Variants in CNGA1 observed in about 807,000 individuals in gnomAD.
The protein encoded by CNGA1 is cyclic nucleotide-gated channel alpha-1.
CNGA1 carries 53 observed loss-of-function variants against 69.7 expected under a neutral mutation model. The ratio of observed to expected loss-of-function variants is 0.76; its 90% CI spans 0.61 to 0.96. CNGA1 has a LOEUF of 0.96. Ranked by LOEUF, CNGA1 falls within the 40% of genes least tolerant of loss-of-function variation. The pLI is 0.00. For missense variants in CNGA1, 739 were observed against 811.2 expected (o/e 0.91, Z 1.08); for synonymous variants, 249 against 283.5 (o/e 0.88, Z 1.22).
At chr4:47,964,562 C>A (rs1740623810) in intron 3 of CNGA1, among the ~76,000 whole-genome samples, 1 of 151,714 alleles carries the variant, frequency 6.6e-6, no homozygotes. Context: ...TTTTAATCTA[C>A]CTCAAATTAA....
intron 3 of CNGA1, among the ~76,000 whole-genome samples, chr4:47,963,208 C>T (rs950790827): frequency 2.0e-4 from 30 of 152,256 alleles, no homozygotes; most frequent in Non-Finnish European, 3.5e-4. Context: ...ACCTTAGCCT[C>T]CCAAAGTGTT....
chr4:47,995,210 T>A (rs894138072), intron 2 of CNGA1, among the ~76,000 whole-genome samples: 1 of 152,164 alleles, frequency 6.6e-6, no homozygotes, highest in African/African-American at 2.4e-5. Context: ...TTCTTGTATT[T>A]GGATGTCTAG....
At chr4:47,996,769 T>G (rs1184863953) in intron 2 of CNGA1, among the ~76,000 whole-genome samples, 1 of 152,062 alleles carries the variant, frequency 6.6e-6, no homozygotes, top group East Asian at 1.9e-4. Context: ...AGATTTTAAG[T>G]CTTTTAGGGG....
At chr4:47,939,994 C>T (rs1242630694) in intron 10 of CNGA1, among the ~76,000 whole-genome samples, 1 of 152,176 alleles carries the variant, frequency 6.6e-6, no homozygotes, top group South Asian at 2.1e-4. Flanking sequence ...GCATTTTCAT[C>T]TCTCATTCTT....
intron 3 of CNGA1, among the ~76,000 whole-genome samples, chr4:47,955,147 C>T (rs6447601): frequency 2.2e-5 from 3 of 139,008 alleles, no homozygotes; most frequent in Non-Finnish European, 3.2e-5. Context: ...AATAAAATTT[C>T]TTTTTCTCTG....
intron 2 of CNGA1, among the ~76,000 whole-genome samples, chr4:47,983,083 C>T (rs1053957630): frequency 2.0e-5 from 3 of 152,202 alleles, no homozygotes; most frequent in South Asian, 4.2e-4. Context: ...GGATTACAGG[C>T]GTGAGCCACT....
intron 3 of CNGA1, among the ~76,000 whole-genome samples, chr4:47,961,917 C>A (rs1434797405): frequency 6.6e-6 from 1 of 152,034 alleles, no homozygotes; most frequent in East Asian, 1.9e-4. Flanking sequence ...TGCGAACCTT[C>A]AATTTCAATT....
At chr4:47,965,932 AT>A (rs1228620753) in intron 3 of CNGA1, among the ~76,000 whole-genome samples, 1 of 148,044 alleles carries the variant, frequency 6.8e-6, no homozygotes, top group Non-Finnish European at 1.5e-5. Context: ...AGAAAAAAAA[AT>A]ATTCTTTTAG....
chr4:47,941,909 C>T, intron 9 of CNGA1, 132 bp downstream of exon 9: 1 of 658,354 alleles, frequency 1.5e-6, no homozygotes, highest in Non-Finnish European at 2.7e-6. Flanking sequence ...ATAATCTAGC[C>T]TCTCTTTACC....
At chr4:47,988,150 G>T (rs925182621) in intron 2 of CNGA1, among the ~76,000 whole-genome samples, 1 of 152,092 alleles carries the variant, frequency 6.6e-6, no homozygotes, top group Non-Finnish European at 1.5e-5. Flanking sequence ...GATTGTTTGT[G>T]GGGTGTGTGT....
chr4:48,009,536 G>A (rs932424099), intron 2 of CNGA1, among the ~76,000 whole-genome samples: 2 of 151,362 alleles, frequency 1.3e-5, no homozygotes, highest in Admixed American at 6.6e-5. Flanking sequence ...CACGCACAGT[G>A]GCTCATGCTA....
In CNGA1 at chr4:47,997,981, A is replaced by G. The variant is rs78303240; in HGVS notation, c.-123+12813T>C. 1.9e-3 allele frequency among the ~76,000 whole-genome samples: 293 copies of G among 152,368 alleles called. 1 individual carries two copies. The highest frequency in any genetic ancestry group is 6.6e-3 in the African/African-American group (274 of 41,584). On this transcript the variant is annotated intron_variant, in intron 2 of 10. Transcript: ENST00000514170. ...TAGAAAAATCATAAGATGAACCATC[A>G]TAAGTAAAGGAACATCTGTATACTG...
At chr4:47,984,532 T>C (rs1368924935) in intron 2 of CNGA1, among the ~76,000 whole-genome samples, 2 of 151,654 alleles carry the variant, frequency 1.3e-5, no homozygotes, top group Non-Finnish European at 2.9e-5. Context: ...GCAGGAGAAT[T>C]GCTTGAACCC....
Position 47,978,764 on chromosome 4 carries a change from GTC to G in CNGA1, c.-15+2627_-15+2628del, listed in dbSNP as rs1457159259. On this transcript the variant is annotated intron_variant, in intron 3 of 10. Transcript: ENST00000514170. Reference sequence around the variant, plus strand: ...AGGCACTCCTTGACTTCTTGTTTCAGTCTCTAGAATTTCTCCTATTTTGCCCA... The same window carrying G: ...AGGCACTCCTTGACTTCTTGTTTCAGTCTAGAATTTCTCCTATTTTGCCCA... Among the ~76,000 whole-genome samples, 4 of 152,080 alleles carry G rather than the reference GTC, an allele frequency of 2.6e-5. No individual in the cohort carries two copies. The East Asian group carries it at 7.7e-4, about 29-fold the overall frequency.
At chr4:47,947,493 T>G (rs757357433) in intron 6 of CNGA1, among the ~76,000 whole-genome samples, 5 of 151,986 alleles carry the variant, frequency 3.3e-5, no homozygotes, top group Non-Finnish European at 7.4e-5. Context: ...CTGGCCAACA[T>G]GGCGAAACCC....
intron 2 of CNGA1, among the ~76,000 whole-genome samples, chr4:47,999,775 G>A (rs1363157986): frequency 6.6e-6 from 1 of 152,170 alleles, no homozygotes; most frequent in Admixed American, 6.5e-5. Context: ...GGAGGCTGAG[G>A]TAGGAGAATC....
Position 47,936,681 on chromosome 4 carries a change from T to C in CNGA1, c.1801A>G (p.Lys601Glu). 6.2e-7 allele frequency: 1 copy of C among 1,614,176 alleles called. No homozygotes were observed. The highest frequency in any genetic ancestry group is 8.5e-7 in the Non-Finnish European group (1 of 1,180,034). ...LEEKGKQILM[K>E]DGLLDLNIAN... ...ATGTTTAGATCCAGTAGACCATCTT[T>C]CATTAAAATCTGCTTCCCTTTCTCT... The change falls in exon 11 of 11, where the codon AAA becomes GAA. Residue 601 changes from lysine (K) to glutamate (E), a missense_variant. By Grantham distance (56) the Lys-to-Glu change is moderately conservative (BLOSUM62 1). Transcript: ENST00000514170.
chr4:47,965,029 A>T (rs1740646264), intron 3 of CNGA1, among the ~76,000 whole-genome samples: 2 of 152,164 alleles, frequency 1.3e-5, no homozygotes, highest in African/African-American at 4.8e-5. Context: ...TATATTACTT[A>T]CACAAAATTA....
Position 47,948,656 on chromosome 4 carries a change from G to A in CNGA1, c.287+1177C>T, listed in dbSNP as rs543549417. Among the ~76,000 whole-genome samples, 10 of 152,296 alleles carry A rather than the reference G, an allele frequency of 6.6e-5. No individual in the cohort carries two copies. In the South Asian group the frequency reaches 2.1e-3, roughly 32 times the overall value. On this transcript the variant is annotated intron_variant, in intron 6 of 10. Coordinates refer to ENST00000514170, the MANE Select transcript of CNGA1 (RefSeq NM_001379270.1). Reference sequence around the variant, plus strand: ...AGTCACCACACTGGCAAAAGTTATTGACCGTGATCATCAGAAGTAGGCAGT... The same window carrying A: ...AGTCACCACACTGGCAAAAGTTATTAACCGTGATCATCAGAAGTAGGCAGT...
Sources: gnomAD v4.1 joint callset for allele counts (sites outside exome capture counted in the v4.1 genomes callset) on GRCh38, gnomAD v4.1.1 for gene constraint, MANE v1.5 for transcripts, NCBI Gene and HGNC (gene_info 2026-07-23, HGNC 2026-07-21) for gene names.